The following MDN1 variants were observed in gnomAD, a reference collection of about 807,000 sequenced individuals.
MDN1 encodes the protein midasin AAA ATPase 1, also known as midasin.
In MDN1, 266 loss-of-function variants were observed where a neutral mutation model predicts 669.2. That is an observed-to-expected ratio of 0.40 (90% CI 0.36 to 0.44). The LOEUF (loss-of-function observed/expected upper bound fraction) is 0.44. Ranked by LOEUF, MDN1 falls within the 20% of genes least tolerant of loss-of-function variation. The pLI, the probability that MDN1 is intolerant of heterozygous loss-of-function variation, is 1.00. For synonymous variants in MDN1, 2,385 were observed against 2,457.1 expected, an observed-to-expected ratio of 0.97 and a Z score of 0.87; for missense variants, 5,940 against 6,754.0, an observed-to-expected ratio of 0.88 and a Z score of 4.22.
At chr6:89,686,052 G>A in intron 69 of MDN1, 79 bp from the exon 70 acceptor site, 1 of 1,408,478 alleles carries the variant, frequency 7.1e-7, no homozygotes, top group Non-Finnish European at 9.7e-7. Context: ...CAATCTATTT[G>A]GGATACTACG....
chr6:89,686,838 C>T, intron 69 of MDN1, 64 bp downstream of exon 69: 1 of 1,591,150 alleles, frequency 6.3e-7, no homozygotes, highest in South Asian at 1.1e-5. Context: ...AAATCCTACA[C>T]TTTGCAGCAC....
intron 17 of MDN1, among the ~76,000 whole-genome samples, chr6:89,760,127 T>C (rs1004310568): frequency 3.3e-5 from 5 of 152,190 alleles, no homozygotes; most frequent in African/African-American, 9.6e-5. Context: ...CCATAATGTA[T>C]GGTTGAGTAG....
chr6:89,749,514 A>T (rs770383276), intron 25 of MDN1, 29 bp downstream of exon 25: 48 of 1,610,234 alleles, frequency 3.0e-5, no homozygotes, highest in Non-Finnish European at 4.0e-5. Flanking sequence ...GTGTTAACAA[A>T]TTGAAGGAAG....
In MDN1 at chr6:89,652,205, C is replaced by T. The variant is rs2128298768; in HGVS notation, c.15902G>A (p.Gly5301Glu). The T allele has an allele frequency of 6.2e-7, 1 of 1,613,872 alleles. No individual in the cohort carries two copies. The highest frequency in any genetic ancestry group is 8.5e-7 in the Non-Finnish European group (1 of 1,179,926). ...GCAGTGACTTACCTCCTCTGGGTTT[C>T]CAGATTCACGTGGCTGCCACATTTC... ...QLEMWQPRES[G>E]NPEEEKVAAE... The change falls in exon 95 of 102, where the codon GGA becomes GAA. Residue 5301 changes from glycine (G) to glutamate (E), a missense_variant. This residue lies in a region of MDN1 where 2,280 missense variants were observed against 2,576.3 expected (regional missense o/e 0.88). Transcript: ENST00000369393.
Position 89,803,386 on chromosome 6 carries a change from G to A in MDN1, c.271C>T (p.His91Tyr), listed in dbSNP as rs1160276839. Residue 91 changes from histidine (H) to tyrosine (Y), a missense_variant, in exon 2 of 102, where the codon CAT (histidine) becomes TAT (tyrosine). Around this residue, in one of 5 missense-constraint regions of MDN1, gnomAD observed 1,203 missense variants for 1,268.9 expected, o/e 0.95. Coordinates refer to ENST00000369393, the MANE Select transcript of MDN1 (RefSeq NM_014611.3). Reference protein sequence around the residue: ...KAGGQINHDLHERLCVSMSKL... With the variant: ...KAGGQINHDLYERLCVSMSKL... Reference sequence around the variant, plus strand: ...CTCATCGACACACATAGCCGTTCATGCAGATCATGGTTGATTTGGCCTCCA... The same window carrying A: ...CTCATCGACACACATAGCCGTTCATACAGATCATGGTTGATTTGGCCTCCA... The A allele has an allele frequency of 1.2e-6, 2 of 1,614,094 alleles. No individual in the cohort carries two copies. The highest frequency in any genetic ancestry group is 1.7e-6 in the Non-Finnish European group (2 of 1,180,030).
chr6:89,719,011 G>C lies in MDN1; in HGVS notation c.6077C>G (p.Ser2026Cys). ...CGGGTGAGGAACACAGCTCCCACGGGAAAGGACTGAGTAGCCCAACTGAAA... is the reference window on the plus strand; with the variant it reads ...CGGGTGAGGAACACAGCTCCCACGGCAAAGGACTGAGTAGCCCAACTGAAA... The part of the protein sequence containing the change: ...YDVQLGYSVL[S>C]RGSCVPHPSR... The change falls in exon 42 of 102, where the codon TCC (serine) becomes TGC (cysteine). Residue 2026 changes from serine (S) to cysteine (C), a missense_variant. Physicochemically the swap from Ser to Cys is moderately radical, Grantham distance 112 (BLOSUM62 -1). This residue lies in a region of MDN1 where 2,292 missense variants were observed against 2,638.3 expected (regional missense o/e 0.87). Transcript: ENST00000369393. The C allele has an allele frequency of 6.2e-7, 1 of 1,614,170 alleles. No homozygotes were observed. The highest frequency in any genetic ancestry group is 2.2e-5 in the East Asian group (1 of 44,880).
intron 92 of MDN1, among the ~76,000 whole-genome samples, chr6:89,655,330 A>G (rs1400426716): frequency 1.3e-5 from 2 of 152,216 alleles, no homozygotes; most frequent in East Asian, 1.9e-4. Context: ...TCAAATTCAT[A>G]GCACCTGTCA....
chr6:89,671,125 G>A (rs777211294), intron 82 of MDN1, 45 bp from the exon 83 acceptor site: 34 of 1,583,854 alleles, frequency 2.1e-5, no homozygotes, highest in Non-Finnish European at 2.8e-5. Flanking sequence ...CTGCTTGGCA[G>A]GTACCAGGTT....
chr6:89,643,905 T>G lies in MDN1; in HGVS notation c.*100A>C. On this transcript the variant is annotated 3_prime_UTR_variant, in exon 102 of 102. Transcript: ENST00000369393. ...AGATCACGTTGTAAAATAAAAATAT[T>G]ACAATAAAATTTTTTGTAGTTGTCC... is the stretch of plus-strand genomic sequence containing the variant. The G allele has an allele frequency of 9.8e-7, 1 of 1,018,154 alleles. No homozygotes were observed. Among genetic ancestry groups the G allele is most frequent in the East Asian group, 2.7e-5 (1 of 36,506 alleles). 63.1% of individuals were successfully genotyped at this position (1,018,154 alleles called of 1,614,324 possible).
intron 94 of MDN1, 95 bp from the exon 95 acceptor site, chr6:89,652,376 G>A (rs1214729635): frequency 1.1e-5 from 10 of 872,522 alleles, no homozygotes; most frequent in Non-Finnish European, 3.7e-6. Flanking sequence ...TGAACTCAAA[G>A]TACATAGTCA....
chr6:89,740,468 TATC>T (rs1484098508), intron 31 of MDN1, 90 bp from the exon 32 acceptor site: 4 of 1,264,590 alleles, frequency 3.2e-6, no homozygotes, highest in Non-Finnish European at 4.3e-6. Flanking sequence ...AAAAAAAAGT[TATC>T]TTCTTTCTAC....
chr6:89,727,445 A>G (rs2768937), intron 37 of MDN1, among the ~76,000 whole-genome samples: 130,728 of 152,174 alleles, frequency 0.86, 56,658 homozygotes, highest in East Asian at 1. Context: ...TCCTCATTTC[A>G]GTAGGTCATT....
chr6:89,750,979 TCCTTTTTTTTCC>T (rs1409292450), intron 23 of MDN1, among the ~76,000 whole-genome samples: 1 of 151,518 alleles, frequency 6.6e-6, no homozygotes, highest in Non-Finnish European at 1.5e-5. Context: ...CATTTTTTTT[TCCTTTTTTTTCC>T]CCTTTTTACA....
At position 89,740,246 on chromosome 6, in the gene MDN1, A is replaced by G; in HGVS notation, c.4581T>C (p.Phe1527=). ...ILATMNPGGD[F]GKKELSPALR... Reference sequence around the variant, plus strand: ...AGTAAAGTTTTACCTCCTTTTTTCCAAAGTCACCCCCAGGGTTCATGGTTG... The same window carrying G: ...AGTAAAGTTTTACCTCCTTTTTTCCGAAGTCACCCCCAGGGTTCATGGTTG... Residue 1527 remains phenylalanine, a synonymous_variant, in exon 32 of 102, where the codon TTT becomes TTC. Coordinates refer to ENST00000369393, the MANE Select transcript of MDN1 (RefSeq NM_014611.3). 2.5e-6 allele frequency: 4 copies of G among 1,611,110 alleles called. No homozygotes were observed. Among genetic ancestry groups the G allele is most frequent in the Non-Finnish European group, 3.4e-6 (4 of 1,179,132 alleles).
intron 66 of MDN1, 79 bp downstream of exon 66, chr6:89,688,494 C>T: frequency 7.6e-7 from 1 of 1,308,432 alleles, no homozygotes; most frequent in Admixed American, 2.1e-5. Flanking sequence ...CAAGTGGGTG[C>T]CCCCAGGGAT....
intron 33 of MDN1, among the ~76,000 whole-genome samples, chr6:89,735,249 GGTACATTAACCAATGT>G (rs1310543904): frequency 6.6e-6 from 1 of 150,996 alleles, no homozygotes; most frequent in African/African-American, 2.4e-5. Flanking sequence ...ACCAATACTT[GGTACATTAACCAATGT>G]AATACAGAAG....
At chr6:89,648,767 C>CAGTG (rs1158914187) in intron 97 of MDN1, among the ~76,000 whole-genome samples, 2 of 141,764 alleles carry the variant, frequency 1.4e-5, no homozygotes, top group African/African-American at 5.3e-5. Flanking sequence ...GTTGAGGCTA[C>CAGTG]AGTGAGCCAC....
intron 89 of MDN1, 41 bp from the exon 90 acceptor site, chr6:89,658,411 G>A (rs1173821857): frequency 6.2e-7 from 1 of 1,612,250 alleles, no homozygotes. Flanking sequence ...ATGCTCTGGG[G>A]GAACAGCATA....
At chr6:89,802,494 C>G (rs949598911) in intron 2 of MDN1, among the ~76,000 whole-genome samples, 4 of 152,164 alleles carry the variant, frequency 2.6e-5, no homozygotes, top group African/African-American at 9.7e-5. Flanking sequence ...ACCATCCTGG[C>G]CAACATGGTG....
Sources: gnomAD v4.1 joint callset for allele counts (sites outside exome capture counted in the v4.1 genomes callset) on GRCh38, gnomAD v4.1.1 for gene constraint, gnomAD v4.1.1 regional missense constraint, MANE v1.5 for transcripts, NCBI Gene and HGNC (gene_info 2026-07-23, HGNC 2026-07-21) for gene names.